The following NAV2 variants were observed in gnomAD, a reference collection of about 807,000 sequenced individuals.
The protein encoded by NAV2 is helicase, APC down-regulated 1.
A neutral mutation model predicts 223.2 loss-of-function variants in NAV2; 54 were observed. The observed-to-expected ratio is 0.24, with a 90% CI of 0.19 to 0.30. The LOEUF is 0.30. Ranked by LOEUF, NAV2 falls within the 10% of genes least tolerant of loss-of-function variation. The pLI is 1.00. For missense variants in NAV2, 2,806 were observed against 3,147.5 expected, an observed-to-expected ratio of 0.89 and a Z score of 2.60; for synonymous variants, 1,279 against 1,239.3, an observed-to-expected ratio of 1.03 and a Z score of -0.67.
chr11:19,504,547 A>T (rs920833715), intron 1 of NAV2: 25 of 152,148 alleles, frequency 1.6e-4, no homozygotes, highest in African/African-American at 5.3e-4. Flanking sequence ...ACTCTTTAGG[A>T]TTTTCAGAGC....
intron 9 of NAV2, among the ~76,000 whole-genome samples, chr11:19,947,854 C>G (rs1053380602): frequency 6.6e-6 from 1 of 152,060 alleles, no homozygotes; most frequent in Non-Finnish European, 1.5e-5. Context: ...GGGAAGTGAA[C>G]TTTAGAGGGT....
chr11:19,412,350 T>C (rs1042526969), intron 1 of NAV2, among the ~76,000 whole-genome samples: 12 of 152,216 alleles, frequency 7.9e-5, no homozygotes, highest in Admixed American at 2.6e-4. Flanking sequence ...AAAAAGCTGC[T>C]GTAGCCAGAC....
At chr11:19,919,605 C>T (rs2044100380) in intron 6 of NAV2, among the ~76,000 whole-genome samples, 1 of 152,210 alleles carries the variant, frequency 6.6e-6, no homozygotes, top group African/African-American at 2.4e-5. Context: ...TCCCTTTCTC[C>T]ATAGAGTTGG....
At chr11:19,955,853 G>GC (rs2047811931) in intron 10 of NAV2, among the ~76,000 whole-genome samples, 1 of 152,184 alleles carries the variant, frequency 6.6e-6, no homozygotes, top group Non-Finnish European at 1.5e-5. Flanking sequence ...AGGAGAGAAA[G>GC]CCAGAGTGCT....
chr11:19,529,057 T>TTTTG (rs2043941676), intron 1 of NAV2, among the ~76,000 whole-genome samples: 4 of 152,240 alleles, frequency 2.6e-5, no homozygotes, highest in African/African-American at 9.6e-5. Context: ...TTTTGGCACG[T>TTTTG]GCGTGCACAC....
intron 1 of NAV2, among the ~76,000 whole-genome samples, chr11:19,808,880 A>T (rs1038933179): frequency 6.6e-6 from 1 of 152,078 alleles, no homozygotes; most frequent in Non-Finnish European, 1.5e-5. Context: ...TAGTTTATTG[A>T]TTATTAATTA....
At chr11:20,011,807 TG>T (rs35799251) in intron 11 of NAV2, among the ~76,000 whole-genome samples, 1 of 152,284 alleles carries the variant, frequency 6.6e-6, no homozygotes, top group Non-Finnish European at 1.5e-5. Flanking sequence ...CCATTCTATG[TG>T]GCGGAGCCAT....
chr11:19,582,806 T>C (rs970115123), intron 1 of NAV2, among the ~76,000 whole-genome samples: 2 of 152,216 alleles, frequency 1.3e-5, no homozygotes, highest in East Asian at 3.8e-4. Flanking sequence ...GTGTGATGTC[T>C]CCAGCTTTGT....
Position 19,947,476 on chromosome 11 carries a change from G to C in NAV2, c.2255+967G>C, listed in dbSNP as rs1297584364. On this transcript the variant is annotated intron_variant, in intron 9 of 37. Coordinates refer to ENST00000349880, the MANE Select transcript of NAV2 (RefSeq NM_145117.5). ...TTGGATCTTGTGACTCTACCATTAG[G>C]TGTGAAACATCCCTTTTTCCACCAT... 1.3e-5 allele frequency among the ~76,000 whole-genome samples: 2 copies of C among 152,182 alleles called. 1 individual carries two copies. The highest frequency in any genetic ancestry group is 4.1e-4 in the South Asian group (2 of 4,830).
At chr11:20,049,611 C>A (rs1003732760) in intron 15 of NAV2, among the ~76,000 whole-genome samples, 3 of 151,832 alleles carry the variant, frequency 2.0e-5, no homozygotes, top group African/African-American at 7.3e-5. Context: ...GGTTTGTTGT[C>A]ATTGTGGCAA....
chr11:19,859,970 G>A (rs1392933788), intron 3 of NAV2, among the ~76,000 whole-genome samples: 2 of 129,918 alleles, frequency 1.5e-5, no homozygotes, highest in East Asian at 4.8e-4. Flanking sequence ...TCACCTCCCG[G>A]ATGGGGCGGC....
chr11:19,875,930 G>A (rs896276872), intron 4 of NAV2, among the ~76,000 whole-genome samples: 24 of 151,964 alleles, frequency 1.6e-4, no homozygotes, highest in Admixed American at 1.4e-3. Flanking sequence ...GGGTTCTGAG[G>A]AGGCTGCAGG....
At chr11:20,101,854 A>G (rs943595002) in intron 32 of NAV2, among the ~76,000 whole-genome samples, 8 of 152,208 alleles carry the variant, frequency 5.3e-5, no homozygotes, top group Admixed American at 2.0e-4. Context: ...CTGTTCATGC[A>G]TGCATTAGTG....
chr11:20,025,687 A>C (rs1489655938), intron 11 of NAV2, among the ~76,000 whole-genome samples: 1 of 152,204 alleles, frequency 6.6e-6, no homozygotes, highest in Non-Finnish European at 1.5e-5. Flanking sequence ...ATGGCTGCTA[A>C]ATCCCCTTGG....
At chr11:19,522,052 T>C (rs2043674815) in intron 1 of NAV2, among the ~76,000 whole-genome samples, 2 of 152,206 alleles carry the variant, frequency 1.3e-5, no homozygotes. Flanking sequence ...GCCACATTTT[T>C]GTTTGTAAAG....
At chr11:19,428,993 A>G (rs1171136397) in intron 1 of NAV2, among the ~76,000 whole-genome samples, 1 of 152,218 alleles carries the variant, frequency 6.6e-6, no homozygotes, top group African/African-American at 2.4e-5. Flanking sequence ...AAAACTGGGT[A>G]CCTCTAAAAC....
intron 1 of NAV2, among the ~76,000 whole-genome samples, chr11:19,464,422 C>T (rs1852276680): frequency 6.6e-6 from 1 of 152,118 alleles, no homozygotes; most frequent in African/African-American, 2.4e-5. Context: ...CAGGATAGAT[C>T]CTGCTGATGA....
intron 1 of NAV2, among the ~76,000 whole-genome samples, chr11:19,400,298 A>G (rs919932611): frequency 6.6e-6 from 1 of 152,206 alleles, no homozygotes; most frequent in African/African-American, 2.4e-5. Flanking sequence ...GTGAGGCTCC[A>G]TCTCCCTGCT....
chr11:19,952,992 G>A (rs1249097282), intron 10 of NAV2, among the ~76,000 whole-genome samples: 1 of 152,110 alleles, frequency 6.6e-6, no homozygotes, highest in African/African-American at 2.4e-5. Context: ...TAGTGGGGAG[G>A]AAATTAAAAT....
Sources: gnomAD v4.1 joint callset for allele counts (sites outside exome capture counted in the v4.1 genomes callset) on GRCh38, gnomAD v4.1.1 for gene constraint, MANE v1.5 for transcripts, NCBI Gene and HGNC (gene_info 2026-07-23, HGNC 2026-07-21) for gene names.